The following HCFC2 variants were observed in gnomAD, a reference collection of about 807,000 sequenced individuals.
HCFC2 encodes the protein host cell factor 2.
A neutral mutation model predicts 89.2 loss-of-function variants in HCFC2; 18 were observed. That is an observed-to-expected ratio of 0.20 (90% CI 0.14 to 0.30). The LOEUF (loss-of-function observed/expected upper bound fraction) is 0.30. Ranked by LOEUF, HCFC2 falls within the 10% of genes least tolerant of loss-of-function variation. The probability of loss-of-function intolerance (pLI) is 1.00; values close to 1 mark genes in which losing one functional copy is unlikely to be tolerated. For synonymous variants in HCFC2, 308 were observed against 335.7 expected, an observed-to-expected ratio of 0.92 and a Z score of 0.90; for missense variants, 578 against 956.1, an observed-to-expected ratio of 0.60 and a Z score of 5.21.
In HCFC2 at chr12:104,092,805, T is replaced by A. The variant is rs561642303; in HGVS notation, c.1285-581T>A. Among the ~76,000 whole-genome samples, 38 of 152,248 alleles carry A rather than the reference T, an allele frequency of 2.5e-4. 1 individual carries two copies. The highest frequency in any genetic ancestry group is 3.3e-4 in the Admixed American group (5 of 15,288). On this transcript the variant is annotated intron_variant, in intron 9 of 14. Coordinates refer to ENST00000229330, the MANE Select transcript of HCFC2 (RefSeq NM_013320.3). ...TAATAATAGTAGTAATAATTTTTTT[T>A]AAAAAGTGTGAATGTGTTTATTATA...
At chr12:104,079,759 G>C in intron 4 of HCFC2, 106 bp downstream of exon 4, 1 of 819,354 alleles carries the variant, frequency 1.2e-6, no homozygotes, top group Non-Finnish European at 2.0e-6. Context: ...TTTATAACCA[G>C]CACTTGTAGC....
chr12:104,079,743 C>T, intron 4 of HCFC2, 90 bp downstream of exon 4: 6 of 993,186 alleles, frequency 6.0e-6, no homozygotes, highest in South Asian at 2.9e-5. Flanking sequence ...TTGAGTTGTA[C>T]TTAGATTTAT....
intron 3 of HCFC2, among the ~76,000 whole-genome samples, chr12:104,078,995 C>A (rs569081693): frequency 6.6e-6 from 1 of 152,208 alleles, no homozygotes; most frequent in East Asian, 1.9e-4. Flanking sequence ...CTAGTTAAGC[C>A]ATTTAGGCCT....
At chr12:104,082,950 C>A in intron 7 of HCFC2, 49 bp downstream of exon 7, 2 of 1,355,642 alleles carry the variant, frequency 1.5e-6, no homozygotes, top group Non-Finnish European at 2.0e-6. Context: ...GGTAAGCACT[C>A]AAATGTCTGC....
intron 3 of HCFC2, among the ~76,000 whole-genome samples, chr12:104,070,565 A>T (rs550721277): frequency 1.1e-4 from 17 of 152,304 alleles, no homozygotes; most frequent in African/African-American, 3.4e-4. Context: ...TCATTGTGAT[A>T]GTGAAATAAG....
intron 3 of HCFC2, among the ~76,000 whole-genome samples, chr12:104,070,807 T>A (rs1434490390): frequency 6.8e-6 from 1 of 147,490 alleles, no homozygotes; most frequent in South Asian, 2.2e-4. Flanking sequence ...TTTACTTTTT[T>A]TTTTTTTTTT....
Position 104,082,892 on chromosome 12 carries a change from C to T in HCFC2, c.1054C>T (p.Leu352Phe). 6.3e-7 allele frequency: 1 copy of T among 1,597,366 alleles called. No individual in the cohort carries two copies. Among genetic ancestry groups the T allele is most frequent in the African/African-American group, 1.4e-5 (1 of 73,964 alleles). ...AGTTTGCTGCAAGGATCTTTGGTAT[C>T]TTGATACTGGTAGGTAAGAATATTT... is the stretch of plus-strand genomic sequence containing the variant. ...SQVCCKDLWY[L>F]DTEKPPAPSQ... Residue 352 changes from leucine to phenylalanine, a missense_variant, in exon 7 of 15, where the codon CTT becomes TTT. Physicochemically the swap from Leu to Phe is conservative, Grantham distance 22 (BLOSUM62 0). Transcript: ENST00000229330.
chr12:104,087,165 G>C lies in HCFC2; in HGVS notation c.1231+151G>C, dbSNP rs1156817007. 4.6e-6 allele frequency: 3 copies of C among 651,596 alleles called. No homozygotes were observed. In the East Asian group the frequency reaches 9.7e-5, roughly 21 times the overall value. The allele number at this position is 651,596 out of a possible 1,614,324, so 40.4% of individuals were successfully genotyped here. A position where few individuals can be genotyped will look rare whatever the true frequency, so the allele number is the denominator to read the frequency against. On this transcript the variant is annotated intron_variant, in intron 8 of 14. Coordinates refer to ENST00000229330, the MANE Select transcript of HCFC2 (RefSeq NM_013320.3). Reference sequence around the variant, plus strand: ...AGGTCAGGAGTTTGAGACCAGCCTGGTCAACATGGTAAAACCCCATCTCTA... The same window carrying C: ...AGGTCAGGAGTTTGAGACCAGCCTGCTCAACATGGTAAAACCCCATCTCTA...
chr12:104,079,777 A>G (rs1883623789), intron 4 of HCFC2, 124 bp downstream of exon 4: 4 of 720,110 alleles, frequency 5.6e-6, no homozygotes, highest in Non-Finnish European at 9.6e-6. Context: ...AGCCCCAGGG[A>G]CAGTGTATGT....
intron 8 of HCFC2, among the ~76,000 whole-genome samples, chr12:104,087,410 CGT>C (rs10548495): frequency 0.23 from 30,291 of 132,780 alleles, 3,782 homozygotes; most frequent in East Asian, 0.55. Context: ...TACTGCAGTA[CGT>C]GTGTGTGTGT....
intron 5 of HCFC2, 120 bp from the exon 6 acceptor site, chr12:104,082,380 C>G (rs539102965): frequency 6.5e-6 from 4 of 618,498 alleles, no homozygotes; most frequent in Non-Finnish European, 1.1e-5. Flanking sequence ...CAATGGTAAG[C>G]GAATGAATAG....
chr12:104,080,827 A>G lies in HCFC2; in HGVS notation c.764A>G (p.Asn255Ser). The G allele has an allele frequency of 2.5e-6, 4 of 1,592,102 alleles. No homozygotes were observed. The highest frequency in any genetic ancestry group is 2.6e-6 in the Non-Finnish European group (3 of 1,168,874). The change falls in exon 5 of 15, where the codon AAC becomes AGC. Residue 255 changes from asparagine (N) to serine (S), a missense_variant. Physicochemically the swap from Asn to Ser is conservative, Grantham distance 46. Around this residue, in one of 4 missense-constraint regions of HCFC2, gnomAD observed 206 missense variants for 419.2 expected, o/e 0.49. Coordinates refer to ENST00000229330, the MANE Select transcript of HCFC2 (RefSeq NM_013320.3). ...RSLHTASVIG[N>S]KMYIFGGWVP... ...CTTCATACAGCCAGTGTTATAGGAA[A>G]CAAGTATGGTGGTTTTTTGTATTTT... is the stretch of plus-strand genomic sequence containing the variant.
Position 104,068,369 on chromosome 12 carries a change from AT to A in HCFC2, c.473+263del, listed in dbSNP as rs977456483. The stretch of plus-strand genomic sequence containing the variant: ...AATGAGAAATCATCTTATTAAATTA[AT>A]ATTAATGTAACTGCTTGTATCAATA... On this transcript the variant is annotated intron_variant, in intron 3 of 14. Transcript: ENST00000229330. This position sits in a 1 kb window ranked among gnomAD's most constrained non-coding sequence, Gnocchi z 4.1. Among the ~76,000 whole-genome samples, 1 of 152,212 alleles carries A rather than the reference AT, an allele frequency of 6.6e-6. No homozygotes were observed. Among genetic ancestry groups the A allele is most frequent in the African/African-American group, 2.4e-5 (1 of 41,440 alleles).
chr12:104,090,553 T>G (rs951929379), intron 9 of HCFC2, among the ~76,000 whole-genome samples: 3 of 152,144 alleles, frequency 2.0e-5, no homozygotes, highest in Non-Finnish European at 4.4e-5. Flanking sequence ...GTTTTCTCTG[T>G]GTATTCCAAT....
At position 104,064,627 on chromosome 12, in the gene HCFC2, C is replaced by A. The variant is rs568395269; in HGVS notation, c.67C>A (p.Arg23=). 1.9e-6 allele frequency: 3 copies of A among 1,578,708 alleles called. No homozygotes were observed. The Admixed American group carries it at 5.4e-5, about 28-fold the overall frequency. ...CTTCACGGGGCCGGTCCCCCGCGCC[C>A]GGCACGGACACCGAGCGGTGGCCAT... ...SSFTGPVPRA[R]HGHRAVAIRE... is the part of the protein sequence containing the mutation. Residue 23 remains arginine (R), a synonymous_variant, in exon 1 of 15, where the codon CGG becomes AGG. Coordinates refer to ENST00000229330, the MANE Select transcript of HCFC2 (RefSeq NM_013320.3). This position sits in a 1 kb window ranked among gnomAD's most constrained non-coding sequence, Gnocchi z 7.3.
chr12:104,066,394 A>G, intron 2 of HCFC2, 79 bp downstream of exon 2: 3 of 1,030,526 alleles, frequency 2.9e-6, no homozygotes, highest in East Asian at 2.6e-5. Context: ...TTGCAACATT[A>G]CTAACATTGT....
rs756321771 is a variant in HCFC2, at chr12:104,066,170, C to A, written c.167C>A (p.Thr56Lys). ...TTCATTTTATTTTGGCAACTAGCTA[C>A]GAATCAGTGGTTTCTGCCAGCTGTT... The part of the protein sequence containing the change: ...ADELHVYNTA[T>K]NQWFLPAVRG... Residue 56 changes from threonine to lysine, a missense_variant, in exon 2 of 15, where the codon ACG becomes AAG. Coordinates refer to ENST00000229330, the MANE Select transcript of HCFC2 (RefSeq NM_013320.3). 1 of 1,612,282 alleles carries A rather than the reference C, an allele frequency of 6.2e-7. No individual in the cohort carries two copies. Among genetic ancestry groups the A allele is most frequent in the Admixed American group, 1.7e-5 (1 of 59,510 alleles).
chr12:104,076,368 T>C (rs955102932), intron 3 of HCFC2, among the ~76,000 whole-genome samples: 1 of 152,252 alleles, frequency 6.6e-6, no homozygotes, highest in African/African-American at 2.4e-5. Flanking sequence ...CCCACTGTGA[T>C]TGTGGATCTG....
chr12:104,102,597 C>T (rs2029983397), intron 14 of HCFC2, among the ~76,000 whole-genome samples: 1 of 152,092 alleles, frequency 6.6e-6, no homozygotes, highest in Non-Finnish European at 1.5e-5. Context: ...TAAATTTGTT[C>T]TTGTTATTAT....
Sources: gnomAD v4.1 joint callset for allele counts (sites outside exome capture counted in the v4.1 genomes callset) on GRCh38, gnomAD v4.1.1 for gene constraint, gnomAD v4.1.1 regional missense constraint, Gnocchi (gnomAD v3.1) non-coding constraint, MANE v1.5 for transcripts, NCBI Gene and HGNC (gene_info 2026-07-23, HGNC 2026-07-21) for gene names.